Variants in MACF1 observed in about 807,000 individuals in gnomAD.
MACF1 encodes microtubule-actin cross-linking factor 1.
MACF1 carries 193 observed loss-of-function variants against 854.8 expected under a neutral mutation model. That is an observed-to-expected ratio of 0.23 (90% confidence interval 0.20 to 0.25). The LOEUF is 0.25. MACF1 is among the 10% of genes least tolerant of loss of function. MACF1 has a pLI of 1.00. For missense variants in MACF1, 7,722 were observed against 8,929.1 expected (o/e 0.86, Z 5.45); for synonymous variants, 3,185 against 3,226.7 (o/e 0.99, Z 0.44).
At chr1:39,276,470 CG>C (rs749658880) in intron 6 of MACF1, among the ~76,000 whole-genome samples, 5 of 152,146 alleles carry the variant, frequency 3.3e-5, no homozygotes, top group Admixed American at 2.6e-4. Flanking sequence ...TCTTTTCTAT[CG>C]GTTCCCAATT....
intron 74 of MACF1, among the ~76,000 whole-genome samples, 157 bp downstream of exon 74, chr1:39,441,482 A>G (rs571562454): frequency 1.8e-4 from 28 of 152,358 alleles, no homozygotes; most frequent in Middle Eastern, 3.4e-3. Context: ...CCCCACTTGT[A>G]GTGAAAAAAG....
intron 2 of MACF1, among the ~76,000 whole-genome samples, chr1:39,136,289 G>A (rs1643165121): frequency 6.6e-6 from 1 of 152,192 alleles, no homozygotes; most frequent in Non-Finnish European, 1.5e-5. Flanking sequence ...TCTGAAGAAA[G>A]ACTGCTATCC....
intron 61 of MACF1, among the ~76,000 whole-genome samples, chr1:39,424,598 T>C (rs1294693698): frequency 6.6e-6 from 1 of 152,216 alleles, no homozygotes; most frequent in Non-Finnish European, 1.5e-5. Context: ...TATTAGCTTA[T>C]AGTAATATTA....
In MACF1 at chr1:39,334,589, T is replaced by A; in HGVS notation, c.8001T>A (p.Ser2667=). ...TGAGCGACAAAGTGCTTACATTGTC[T>A]CAAGCAATTCAGCTTGGAAAAGTAG... ...DGVSDKVLTL[S]QAIQLGKVDF... is the part of the protein sequence containing the mutation. Residue 2667 remains serine, a synonymous_variant, in exon 37 of 101, where the codon TCT becomes TCA. Transcript: ENST00000564288. 6.2e-7 allele frequency: 1 copy of A among 1,614,118 alleles called. No homozygotes were observed. The highest frequency in any genetic ancestry group is 8.5e-7 in the Non-Finnish European group (1 of 1,180,012).
chr1:39,441,376 C>A (rs748399974), intron 74 of MACF1, 51 bp downstream of exon 74: 2 of 1,413,466 alleles, frequency 1.4e-6, no homozygotes, highest in South Asian at 2.4e-5. Context: ...TGTTTTTTGC[C>A]ATTTTTGTCA....
chr1:39,364,759 T>C (rs1233421343), intron 49 of MACF1, among the ~76,000 whole-genome samples: 1 of 152,208 alleles, frequency 6.6e-6, no homozygotes, highest in East Asian at 1.9e-4. Context: ...CCCAAAGTGC[T>C]GGGATTACAG....
chr1:39,439,623 GT>G (rs763294412), intron 72 of MACF1, 123 bp downstream of exon 72: 3 of 760,116 alleles, frequency 3.9e-6, no homozygotes, highest in Non-Finnish European at 6.3e-6. Flanking sequence ...TTTTGTTTTT[GT>G]TTTTGTTTTT....
chr1:39,287,244 A>G (rs567569176), intron 14 of MACF1, 42 bp from the exon 15 acceptor site: 16 of 1,583,776 alleles, frequency 1.0e-5, no homozygotes, highest in Non-Finnish European at 1.2e-5. Flanking sequence ...AAACTATACT[A>G]TAGATTTAAA....
rs762971359 is a variant in MACF1, at chr1:39,283,338, G to A, written c.808+37G>A. ...TTTACTGAACTTGAGTAAGGAACAC[G>A]TATTCAGTATTCCTTCTTCTGGCAA... On this transcript the variant is annotated intron_variant, in intron 8 of 100. Transcript: ENST00000564288. This position sits in a 1 kb window ranked among gnomAD's most constrained non-coding sequence, Gnocchi z 4.5. 11 of 1,569,026 alleles carry A rather than the reference G, an allele frequency of 7.0e-6. No homozygotes were observed. In the East Asian group the frequency reaches 9.0e-5, roughly 13 times the overall value.
intron 84 of MACF1, among the ~76,000 whole-genome samples, chr1:39,450,751 A>T (rs1231895559): frequency 6.6e-6 from 1 of 151,212 alleles, no homozygotes; most frequent in Non-Finnish European, 1.5e-5. Flanking sequence ...AGCTGGAACT[A>T]CAGGCACCCA....
chr1:39,381,747 T>C (rs916501910), intron 55 of MACF1, among the ~76,000 whole-genome samples: 3 of 152,078 alleles, frequency 2.0e-5, no homozygotes, highest in Admixed American at 6.6e-5. Context: ...GGAGGATCAC[T>C]TGGGCCCAGG....
rs562381940 is a variant in MACF1, at chr1:39,485,719, C to G, written c.22593C>G (p.Asn7531Lys). The G allele has an allele frequency of 2.9e-5, 46 of 1,613,830 alleles. No individual in the cohort carries two copies. The highest frequency in any genetic ancestry group is 3.9e-5 in the Non-Finnish European group (46 of 1,179,870). Residue 7531 changes from asparagine to lysine, a missense_variant, in exon 101 of 101, where the codon AAC becomes AAG. Asn to Lys is a moderately conservative substitution (Grantham distance 94). Coordinates refer to ENST00000564288, the MANE Select transcript of MACF1 (RefSeq NM_001394062.1). ...AAGGCAACTCCAGGAGAGGGCTAAA[C>G]AAACCTTCCAAAATCCCAACCATGT... is the stretch of plus-strand genomic sequence containing the variant. ...GGQGNSRRGL[N>K]KPSKIPTMSK...
chr1:39,288,357 G>A (rs1369666522), intron 15 of MACF1, among the ~76,000 whole-genome samples: 4 of 152,118 alleles, frequency 2.6e-5, no homozygotes, highest in Non-Finnish European at 5.9e-5. Context: ...AACTAGCCAG[G>A]TGTGGTGGTG....
chr1:39,485,658 G>C lies in MACF1; in HGVS notation c.22532G>C (p.Cys7511Ser), dbSNP rs753693496. ...GACCTCTTAGAGACGCAGTCTGCTTGTTCCGACACTTCAGAAAGCAGCGCT... is the reference window on the plus strand; with the variant it reads ...GACCTCTTAGAGACGCAGTCTGCTTCTTCCGACACTTCAGAAAGCAGCGCT... ...DFDLLETQSA[C>S]SDTSESSAAG... The change falls in exon 101 of 101, where the codon TGT becomes TCT. Residue 7511 changes from cysteine to serine, a missense_variant. Cys to Ser is a moderately radical substitution (Grantham distance 112). This residue lies in a region of MACF1 where 185 missense variants were observed against 225.7 expected (regional missense o/e 0.82). Transcript: ENST00000564288. 23 of 1,614,038 alleles carry C rather than the reference G, an allele frequency of 1.4e-5. No individual in the cohort carries two copies. The highest frequency in any genetic ancestry group is 1.9e-5 in the Non-Finnish European group (23 of 1,180,026).
rs777497979 is a variant in MACF1 at position 39,334,889 on chromosome 1, C to T, written c.8301C>T (p.Ser2767=). 13 of 1,613,906 alleles carry T rather than the reference C, an allele frequency of 8.1e-6. No homozygotes were observed. Among genetic ancestry groups the T allele is most frequent in the South Asian group, 6.6e-5 (6 of 91,076 alleles). Residue 2767 remains serine, a synonymous_variant, in exon 37 of 101, where the codon AGC becomes AGT. Coordinates refer to ENST00000564288, the MANE Select transcript of MACF1 (RefSeq NM_001394062.1). ...TCCAAATAGATAGTTCAGAGTTCAG[C>T]GATCACAGGGCTCAGATTGAAAAGC... ...NMIQIDSSEF[S]DHRAQIEKQE...
intron 2 of MACF1, among the ~76,000 whole-genome samples, chr1:39,140,316 A>G (rs1643310238): frequency 6.6e-6 from 1 of 152,176 alleles, no homozygotes; most frequent in Non-Finnish European, 1.5e-5. Context: ...CTATCTTACG[A>G]TTCTTATCAC....
intron 97 of MACF1, among the ~76,000 whole-genome samples, chr1:39,477,106 T>C (rs1644916014): frequency 8.8e-6 from 1 of 113,300 alleles, no homozygotes; most frequent in African/African-American, 3.7e-5. Flanking sequence ...CACACACATA[T>C]ATACACTTAG....
chr1:39,098,377 G>C (rs1462921913), intron 2 of MACF1, among the ~76,000 whole-genome samples: 2 of 152,220 alleles, frequency 1.3e-5, no homozygotes, highest in Non-Finnish European at 2.9e-5. Context: ...CCAGTAAGGG[G>C]CCAAGCTTGG....
intron 46 of MACF1, 105 bp downstream of exon 46, chr1:39,358,978 G>T (rs1352818970): frequency 2.8e-6 from 4 of 1,427,846 alleles, no homozygotes; most frequent in Non-Finnish European, 3.8e-6. Context: ...GGCAGTGGTT[G>T]GGATGCCTTG....
Sources: gnomAD v4.1 joint callset for allele counts (sites outside exome capture counted in the v4.1 genomes callset) on GRCh38, gnomAD v4.1.1 for gene constraint, gnomAD v4.1.1 regional missense constraint, Gnocchi (gnomAD v3.1) non-coding constraint, MANE v1.5 for transcripts, NCBI Gene and HGNC (gene_info 2026-07-23, HGNC 2026-07-21) for gene names.